The following DOCK9 variants were observed in gnomAD, a reference collection of about 807,000 sequenced individuals.
The protein encoded by DOCK9 is dedicator of cytokinesis 9.
A neutral mutation model predicts 263.3 loss-of-function variants in DOCK9; 89 were observed. The ratio of observed to expected loss-of-function variants is 0.34; its 90% CI spans 0.28 to 0.40. The LOEUF is 0.40. Among genes scored for constraint, DOCK9 ranks in the 10% least tolerant of loss-of-function variants. DOCK9 has a pLI of 1.00. For missense variants in DOCK9, 2,140 were observed against 2,603.4 expected (o/e 0.82, Z 3.87); for synonymous variants, 976 against 973.1 (o/e 1.00, Z -0.06).
At chr13:98,975,138 G>A (rs1197846264) in intron 1 of DOCK9, among the ~76,000 whole-genome samples, 2 of 152,152 alleles carry the variant, frequency 1.3e-5, no homozygotes, top group Non-Finnish European at 2.9e-5. Context: ...TCACACTTTG[G>A]GAAGCCGAGG....
intron 1 of DOCK9, among the ~76,000 whole-genome samples, chr13:98,963,997 C>T (rs549605832): frequency 1.3e-5 from 2 of 152,324 alleles, no homozygotes; most frequent in Non-Finnish European, 2.9e-5. Flanking sequence ...AGGAAAATAA[C>T]AGCGGCCTCC....
At chr13:98,911,653 G>C (rs1251121442) in intron 9 of DOCK9, among the ~76,000 whole-genome samples, 1 of 151,550 alleles carries the variant, frequency 6.6e-6, no homozygotes, top group African/African-American at 2.4e-5. Context: ...TCAGCACTTT[G>C]GGAGGCTGAG....
At chr13:98,868,075 A>C in intron 28 of DOCK9, 64 bp from the exon 29 acceptor site, 1 of 1,563,130 alleles carries the variant, frequency 6.4e-7, no homozygotes. Context: ...TTGGATTCAA[A>C]GCAGCATTTA....
chr13:99,019,025 A>T (rs1056780854), intron 1 of DOCK9, among the ~76,000 whole-genome samples: 1 of 152,236 alleles, frequency 6.6e-6, no homozygotes, highest in Admixed American at 6.5e-5. Flanking sequence ...CATATGGCAC[A>T]TCCACACAAT....
At chr13:98,992,090 C>T (rs1378140690) in intron 1 of DOCK9, among the ~76,000 whole-genome samples, 2 of 151,078 alleles carry the variant, frequency 1.3e-5, no homozygotes, top group African/African-American at 4.9e-5. Context: ...TGTGAAGCTA[C>T]AGCAGTTAGC....
At chr13:98,858,064 A>T (rs1231608972) in intron 33 of DOCK9, 1 of 152,080 alleles carries the variant, frequency 6.6e-6, no homozygotes, top group Admixed American at 6.6e-5. Flanking sequence ...CTCAAGCTTG[A>T]TTCCAGAACT....
At chr13:98,898,738 T>C (rs1023051212) in intron 13 of DOCK9, among the ~76,000 whole-genome samples, 3 of 152,226 alleles carry the variant, frequency 2.0e-5, no homozygotes, top group African/African-American at 7.2e-5. Flanking sequence ...AGGGATAAGA[T>C]ATTAAGATAC....
intron 1 of DOCK9, among the ~76,000 whole-genome samples, chr13:98,987,350 GA>G (rs56242660): frequency 0.28 from 42,286 of 151,814 alleles, 5,914 homozygotes; most frequent in Middle Eastern, 0.43. Flanking sequence ...CCTGAACAAA[GA>G]AAAAAACTCT....
intron 1 of DOCK9, among the ~76,000 whole-genome samples, chr13:99,000,994 C>T (rs933033098): frequency 1.6e-4 from 24 of 152,062 alleles, no homozygotes; most frequent in African/African-American, 5.5e-4. Context: ...GAAGAGAGGA[C>T]AAAAAAGGAC....
At chr13:98,941,910 T>C (rs769908506) in intron 2 of DOCK9, among the ~76,000 whole-genome samples, 1 of 152,242 alleles carries the variant, frequency 6.6e-6, no homozygotes, top group Admixed American at 6.5e-5. Context: ...ATGGTAGTTA[T>C]CTCTTTGGAT....
chr13:98,961,352 C>T (rs1389575431), intron 1 of DOCK9, among the ~76,000 whole-genome samples: 3 of 152,232 alleles, frequency 2.0e-5, no homozygotes, highest in East Asian at 1.9e-4. Flanking sequence ...GTTTCTGACA[C>T]GAGCCAGCTC....
At chr13:98,974,056 T>C (rs1438179737) in intron 1 of DOCK9, among the ~76,000 whole-genome samples, 1 of 152,174 alleles carries the variant, frequency 6.6e-6, no homozygotes, top group African/African-American at 2.4e-5. Context: ...ATAAATGGCA[T>C]ATAACCCAGC....
At chr13:99,079,456 G>A (rs1251386723) in intron 1 of DOCK9, among the ~76,000 whole-genome samples, 4 of 152,158 alleles carry the variant, frequency 2.6e-5, no homozygotes, top group East Asian at 1.9e-4. Flanking sequence ...AATAAATGCT[G>A]GCTCCAGAAA....
rs71719426 is a variant in DOCK9, at chr13:98,954,863, T to TACACACACACAC, written c.243+560_243+571dup. 9.6e-3 allele frequency among the ~76,000 whole-genome samples: 1,413 copies of TACACACACACAC among 146,560 alleles called. 10 individuals are homozygous for TACACACACACAC. The highest frequency in any genetic ancestry group is 0.021 in the Middle Eastern group (6 of 286). ...CAGAGTATAGCACTTTTATTCAAGA[T>TACACACACACAC]ACACACACACACACACACACACACA... On this transcript the variant is annotated intron_variant, in intron 2 of 52. Transcript: ENST00000682017.
intron 1 of DOCK9, among the ~76,000 whole-genome samples, chr13:99,028,480 G>A (rs952589343): frequency 2.6e-5 from 4 of 152,096 alleles, no homozygotes; most frequent in African/African-American, 4.8e-5. Flanking sequence ...ACAAGGAACA[G>A]GTAACAGGAG....
intron 1 of DOCK9, among the ~76,000 whole-genome samples, chr13:99,008,949 T>A (rs1271914197): frequency 6.6e-6 from 1 of 152,216 alleles, no homozygotes; most frequent in African/African-American, 2.4e-5. Context: ...CACAATTCAG[T>A]CCATTGCAAC....
chr13:98,985,124 C>A (rs1003021187), intron 1 of DOCK9, among the ~76,000 whole-genome samples: 39 of 152,154 alleles, frequency 2.6e-4, no homozygotes, highest in Admixed American at 4.6e-4. Context: ...TCTGGGAAAA[C>A]CCACAGCACT....
Position 98,829,756 on chromosome 13 carries a change from C to T in DOCK9, c.4636G>A (p.Val1546Ile), listed in dbSNP as rs368911408. 2.5e-5 allele frequency: 40 copies of T among 1,601,070 alleles called. No homozygotes were observed. The highest frequency in any genetic ancestry group is 3.4e-5 in the Non-Finnish European group (40 of 1,173,310). Residue 1546 changes from valine to isoleucine, a missense_variant and splice_region_variant, in exon 42 of 53, where the codon GTC becomes ATC. By Grantham distance (29) the Val-to-Ile change is conservative. This residue lies in a region of DOCK9 where 619 missense variants were observed against 861.8 expected (regional missense o/e 0.72). Transcript: ENST00000682017. This position sits in a 1 kb window ranked among gnomAD's most constrained non-coding sequence, Gnocchi z 4.1. The part of the protein sequence containing the change: ...KKSFVRTHLQ[V>I]IISVSQLIAD... Reference sequence around the variant, plus strand: ...ATCAGCTGGCTGACAGATATGATGACCTTAGGGACACACAAACATGAGCAA... The same window carrying T: ...ATCAGCTGGCTGACAGATATGATGATCTTAGGGACACACAAACATGAGCAA...
intron 1 of DOCK9, among the ~76,000 whole-genome samples, chr13:99,007,276 T>C: frequency 6.6e-6 from 1 of 151,916 alleles, no homozygotes; most frequent in Non-Finnish European, 1.5e-5. Flanking sequence ...TAATCCCAGC[T>C]ACTCGGGAGG....
Sources: allele counts gnomAD v4.1 joint callset (sites outside exome capture counted in the v4.1 genomes callset), GRCh38; gene constraint gnomAD v4.1.1; regional missense constraint gnomAD v4.1.1; non-coding constraint Gnocchi (gnomAD v3.1); transcripts MANE v1.5; gene names NCBI Gene and HGNC (gene_info 2026-07-23, HGNC 2026-07-21).